The following ALKAL2 variants were observed in gnomAD, a reference collection of about 807,000 sequenced individuals.
ALKAL2 encodes ALK and LTK ligand 2.
In ALKAL2, 8 loss-of-function variants were observed where a neutral mutation model predicts 18.5. The observed-to-expected ratio is 0.43, with a 90% CI of 0.25 to 0.78. The LOEUF (loss-of-function observed/expected upper bound fraction) is 0.78. Among genes scored for constraint, ALKAL2 ranks in the 30% least tolerant of loss-of-function variants. The probability of loss-of-function intolerance (pLI) is 0.22; values close to 1 mark genes in which losing one functional copy is unlikely to be tolerated. For synonymous variants in ALKAL2, 135 were observed against 95.8 expected (o/e 1.41, Z -2.39); for missense variants, 241 against 211.2 (o/e 1.14, Z -0.88).
Position 279,976 on chromosome 2 carries a change from A to G in ALKAL2, c.*171T>C, listed in dbSNP as rs762242140. 4.3e-6 allele frequency: 3 copies of G among 700,694 alleles called. No individual in the cohort carries two copies. The highest frequency in any genetic ancestry group is 4.3e-5 in the Admixed American group (2 of 46,592). The allele number at this position is 700,694 out of a possible 1,614,324, so 43.4% of individuals were successfully genotyped here. ...TCAAGTACACTGATTTATCGAATAT[A>G]TATCTGCAAACTGTCAACAACATAC... On this transcript the variant is annotated 3_prime_UTR_variant, in exon 6 of 6. Coordinates refer to ENST00000403610, the MANE Select transcript of ALKAL2 (RefSeq NM_001002919.3).
chr2:287,650 G>A lies in ALKAL2; in HGVS notation c.186C>T (p.Leu62=), dbSNP rs772672777. The change falls in exon 2 of 6, where the codon CTC becomes CTT. Residue 62 remains leucine, a synonymous_variant. Coordinates refer to ENST00000403610, the MANE Select transcript of ALKAL2 (RefSeq NM_001002919.3). ...CGCGGCCCAGGGCGCAGTCCCGCCC[G>A]AGGAGCTGCAGGCCCTTGTGCTCCG... The part of the protein sequence containing the change: ...HSAEHKGLQL[L]GRDCALGRAE... The A allele has an allele frequency of 2.7e-6, 4 of 1,481,904 alleles. No homozygotes were observed. The highest frequency in any genetic ancestry group is 3.6e-6 in the Non-Finnish European group (4 of 1,122,298). The allele number at this position is 1,481,904 out of a possible 1,614,324, so 91.8% of individuals were successfully genotyped here.
intron 2 of ALKAL2, 47 bp downstream of exon 2, chr2:287,536 C>A: frequency 1.5e-6 from 2 of 1,292,368 alleles, no homozygotes; most frequent in South Asian, 1.9e-5. Flanking sequence ...AAAGACAATT[C>A]TATTTCCCAG....
chr2:287,268 T>C (rs1670544884), intron 2 of ALKAL2: 1 of 268,940 alleles, frequency 3.7e-6, no homozygotes, highest in South Asian at 1.5e-4. Context: ...TGAAGGAGCC[T>C]GGATGCTTCC....
chr2:288,089 C>T lies in ALKAL2; in HGVS notation c.-134G>A. 8.4e-7 allele frequency: 1 copy of T among 1,188,060 alleles called. No individual in the cohort carries two copies. The highest frequency in any genetic ancestry group is 1.0e-6 in the Non-Finnish European group (1 of 960,460). 73.6% of individuals were successfully genotyped at this position (1,188,060 alleles called of 1,614,324 possible). On this transcript the variant is annotated 5_prime_UTR_variant, in exon 1 of 6. Coordinates refer to ENST00000403610, the MANE Select transcript of ALKAL2 (RefSeq NM_001002919.3). The stretch of plus-strand genomic sequence containing the variant: ...CGACGATCACGCCCGAGGTCCCGCC[C>T]ACGGGGAGCGACCGCCGCTGGTGCG...
chr2:280,664 A>G (rs1452396634), intron 5 of ALKAL2, among the ~76,000 whole-genome samples: 1 of 152,226 alleles, frequency 6.6e-6, no homozygotes, highest in East Asian at 1.9e-4. Context: ...TCACTACTCA[A>G]AACTCCATTT....
At chr2:283,294 A>G (rs937688135) in intron 4 of ALKAL2, 119 bp from the exon 5 acceptor site, 1 of 1,477,176 alleles carries the variant, frequency 6.8e-7, no homozygotes, top group Non-Finnish European at 9.0e-7. Flanking sequence ...AATTCCCTGG[A>G]AGCAATACGG....
At chr2:287,917 C>T (rs974176759) in intron 1 of ALKAL2, 25 bp from the exon 2 acceptor site, 11 of 1,238,122 alleles carry the variant, frequency 8.9e-6, no homozygotes, top group African/African-American at 1.6e-5. Flanking sequence ...GCGCGGGGGG[C>T]CGGAGAGAAA....
Position 286,119 on chromosome 2 carries a change from T to G in ALKAL2, c.388+4A>C. On this transcript the variant is annotated splice_donor_region_variant and intron_variant, in intron 4 of 5. Transcript: ENST00000403610. ...TTTTATAAAAATCCAATGCTGTTAC[T>G]TACATGCAGGAATGGTGCAGTCTCT... The G allele has an allele frequency of 6.2e-7, 1 of 1,611,894 alleles. No homozygotes were observed. The highest frequency in any genetic ancestry group is 8.5e-7 in the Non-Finnish European group (1 of 1,178,272).
At chr2:280,742 C>T (rs1488279643) in intron 5 of ALKAL2, among the ~76,000 whole-genome samples, 6 of 152,216 alleles carry the variant, frequency 3.9e-5, no homozygotes, top group African/African-American at 1.4e-4. Context: ...TGAAGTGTAT[C>T]TGTGACTGTT....
intron 4 of ALKAL2, 22 bp from the exon 5 acceptor site, chr2:283,197 C>T (rs530878558): frequency 5.5e-5 from 88 of 1,604,312 alleles, no homozygotes; most frequent in East Asian, 6.7e-5. Flanking sequence ...ATATATCAGA[C>T]TCTTGTCAGT....
At chr2:282,260 C>A (rs1027549548) in intron 5 of ALKAL2, among the ~76,000 whole-genome samples, 5 of 152,208 alleles carry the variant, frequency 3.3e-5, no homozygotes, top group African/African-American at 1.2e-4. Context: ...GAGCACTACC[C>A]TACCCTCATC....
At chr2:287,512 G>T (rs1670559204) in intron 2 of ALKAL2, 71 bp downstream of exon 2, 130 of 835,896 alleles carry the variant, frequency 1.6e-4, no homozygotes, top group Non-Finnish European at 2.0e-4. Flanking sequence ...GTCTCTTTTT[G>T]AAACGTGTTT....
intron 4 of ALKAL2, among the ~76,000 whole-genome samples, chr2:283,888 C>T (rs1282515447): frequency 6.6e-6 from 1 of 152,158 alleles, no homozygotes; most frequent in African/African-American, 2.4e-5. Flanking sequence ...AGAATTTATA[C>T]CCAACTGAAA....
chr2:287,768 C>A lies in ALKAL2; in HGVS notation c.68G>T (p.Arg23Leu). The change falls in exon 2 of 6, where the codon CGG becomes CTG. Residue 23 changes from arginine to leucine, a missense_variant. Transcript: ENST00000403610. ...CGGCTCCCGGGGCTCCGCGCCCCCC[C>A]GGCCGCGCCCCGCCGCCCCCAGCAC... ...LLVLGAAGRG[R>L]GGAEPREPAD... The A allele has an allele frequency of 1.4e-6, 2 of 1,423,262 alleles. No homozygotes were observed. Among genetic ancestry groups the A allele is most frequent in the Non-Finnish European group, 1.8e-6 (2 of 1,093,740 alleles). 88.2% of individuals were successfully genotyped at this position (1,423,262 alleles called of 1,614,324 possible). A position where few individuals can be genotyped will look rare whatever the true frequency, so the allele number is the denominator to read the frequency against.
intron 5 of ALKAL2, among the ~76,000 whole-genome samples, chr2:282,418 T>A (rs913926599): frequency 1.3e-5 from 2 of 152,232 alleles, no homozygotes; most frequent in Non-Finnish European, 2.9e-5. Flanking sequence ...ACAAGACACA[T>A]AGTAAGTATA....
chr2:284,871 G>C (rs1033797685), intron 4 of ALKAL2, among the ~76,000 whole-genome samples: 24 of 152,098 alleles, frequency 1.6e-4, no homozygotes, highest in Admixed American at 1.5e-3. Context: ...CAAACGACAA[G>C]ATTTTCTGGC....
chr2:285,444 G>T (rs746609099), intron 4 of ALKAL2, among the ~76,000 whole-genome samples: 6 of 152,088 alleles, frequency 3.9e-5, no homozygotes, highest in Non-Finnish European at 7.4e-5. Flanking sequence ...ATCAAAGTTG[G>T]AGTCCGAATT....
At position 287,680 on chromosome 2, in the gene ALKAL2, G is replaced by A; in HGVS notation, c.156C>T (p.His52=). The A allele has an allele frequency of 1.3e-6, 2 of 1,483,448 alleles. No individual in the cohort carries two copies. The highest frequency in any genetic ancestry group is 1.8e-6 in the Non-Finnish European group (2 of 1,123,390). The allele number at this position is 1,483,448 out of a possible 1,614,324, so 91.9% of individuals were successfully genotyped here. Residue 52 remains histidine, a synonymous_variant, in exon 2 of 6, where the codon CAC becomes CAT. Coordinates refer to ENST00000403610, the MANE Select transcript of ALKAL2 (RefSeq NM_001002919.3). ...VELVQELRKH[H]SAEHKGLQLL... is the part of the protein sequence containing the mutation. ...GCTGCAGGCCCTTGTGCTCCGCCGA[G>A]TGGTGCTTCCGCAGCTCCTGGACGA...
At chr2:287,404 G>T (rs561377170) in intron 2 of ALKAL2, 179 bp downstream of exon 2, 3 of 472,444 alleles carry the variant, frequency 6.3e-6, no homozygotes, top group South Asian at 8.8e-5. Context: ...GCGCTTCTCC[G>T]CCAGGCCTCA....
Sources: allele counts gnomAD v4.1 joint callset (sites outside exome capture counted in the v4.1 genomes callset), GRCh38; gene constraint gnomAD v4.1.1; transcripts MANE v1.5; gene names NCBI Gene and HGNC (gene_info 2026-07-23, HGNC 2026-07-21).